Variants in AQP1 observed in about 807,000 individuals in gnomAD.
AQP1 encodes the protein aquaporin 1 (Colton blood group), also known as aquaporin-1.
AQP1 carries 11 observed loss-of-function variants against 19.7 expected under a neutral mutation model. The ratio of observed to expected loss-of-function variants is 0.56; its 90% confidence interval spans 0.35 to 0.92. The LOEUF is 0.92. AQP1 is among the 40% of genes least tolerant of loss of function. The pLI, the probability that AQP1 is intolerant of heterozygous loss-of-function variation, is 0.01. For missense variants in AQP1, 320 were observed against 369.7 expected (o/e 0.87, Z 1.10); for synonymous variants, 159 against 166.7 (o/e 0.95, Z 0.36).
At chr7:30,920,484 A>T (rs1791471524) in intron 1 of AQP1, among the ~76,000 whole-genome samples, 1 of 152,186 alleles carries the variant, frequency 6.6e-6, no homozygotes, top group Non-Finnish European at 1.5e-5. Context: ...CTGCACACAC[A>T]ATGAGAAGAA....
chr7:30,923,623 C>A lies in AQP1; in HGVS notation c.804C>A (p.Pro268=), dbSNP rs995400360. The change falls in exon 4 of 4, where the codon CCC becomes CCA. Residue 268 remains proline (P), a synonymous_variant. Coordinates refer to ENST00000311813, the MANE Select transcript of AQP1 (RefSeq NM_198098.4). The surrounding 1 kb of genome is among the most constrained non-coding windows in gnomAD (Gnocchi z 4.8). ...TCAACTCCAGGGTGGAGATGAAGCCCAAATAGAAGGGGTCTGGCCCGGGCA... is the reference window on the plus strand; with the variant it reads ...TCAACTCCAGGGTGGAGATGAAGCCAAAATAGAAGGGGTCTGGCCCGGGCA... ...DDINSRVEMK[P]K 4 of 1,400,226 alleles carry A rather than the reference C, an allele frequency of 2.9e-6. No individual in the cohort carries two copies. The highest frequency in any genetic ancestry group is 3.8e-6 in the Non-Finnish European group (4 of 1,046,682). 86.7% of individuals were successfully genotyped at this position (1,400,226 alleles called of 1,614,324 possible).
Position 30,922,591 on chromosome 7 carries a change from C to G in AQP1, c.577C>G (p.Pro193Ala). 1 of 1,614,158 alleles carries G rather than the reference C, an allele frequency of 6.2e-7. No homozygotes were observed. Among genetic ancestry groups the G allele is most frequent in the Non-Finnish European group, 8.5e-7 (1 of 1,180,012 alleles). The change falls in exon 3 of 4, where the codon CCT becomes GCT. Residue 193 changes from proline (P) to alanine (A), a missense_variant. Pro to Ala is a conservative substitution (Grantham distance 27, BLOSUM62 -1). Transcript: ENST00000311813. ...AIDYTGCGINPARSFGSAVIT... is the reference protein window; with the variant it reads ...AIDYTGCGINAARSFGSAVIT... Reference sequence around the variant, plus strand: ...TGACTACACTGGCTGTGGGATTAACCCTGCTCGGTCCTTTGGCTCCGCGGT... The same window carrying G: ...TGACTACACTGGCTGTGGGATTAACGCTGCTCGGTCCTTTGGCTCCGCGGT...
At chr7:30,922,286 G>T in intron 2 of AQP1, 56 bp downstream of exon 2, 2 of 1,533,692 alleles carry the variant, frequency 1.3e-6, no homozygotes, top group South Asian at 1.2e-5. Context: ...GGGGCTGGTG[G>T]GGTGCCCTGC....
At chr7:30,919,597 G>A (rs920632980) in intron 1 of AQP1, among the ~76,000 whole-genome samples, 1 of 149,708 alleles carries the variant, frequency 6.7e-6, no homozygotes, top group Non-Finnish European at 1.5e-5. Context: ...CCTGGGCCAG[G>A]CAAAACTACC....
chr7:30,921,731 GTCT>G (rs954915225), intron 1 of AQP1: 9 of 1,550,654 alleles, frequency 5.8e-6, no homozygotes, highest in Non-Finnish European at 7.8e-6. Context: ...CTTGCCTCTG[GTCT>G]TGGTACCCCA....
At chr7:30,917,082 G>A (rs1791376034) in intron 1 of AQP1, among the ~76,000 whole-genome samples, 2 of 152,300 alleles carry the variant, frequency 1.3e-5, no homozygotes, top group Admixed American at 1.3e-4. Context: ...GCTCGAATCT[G>A]GGCCAAGGCC....
intron 1 of AQP1, among the ~76,000 whole-genome samples, chr7:30,914,202 G>A (rs1441607636): frequency 1.3e-5 from 2 of 152,230 alleles, no homozygotes; most frequent in Admixed American, 6.5e-5. Context: ...GGCTGGGCGT[G>A]TTGCAAATGG....
At chr7:30,916,698 C>T (rs1791364203) in intron 1 of AQP1, among the ~76,000 whole-genome samples, 2 of 152,232 alleles carry the variant, frequency 1.3e-5, no homozygotes, top group Non-Finnish European at 2.9e-5. Flanking sequence ...GCCCCCGGCC[C>T]TTCCAGCAGC....
intron 1 of AQP1, chr7:30,921,793 C>G: frequency 6.4e-7 from 1 of 1,550,630 alleles, no homozygotes; most frequent in Non-Finnish European, 8.7e-7. Context: ...CAGCTCACCC[C>G]AGGCCTCTCC....
rs28362729 is a variant in AQP1, at chr7:30,921,708, C to T, written c.385-358C>T. 209 of 1,551,094 alleles carry T rather than the reference C, an allele frequency of 1.3e-4. 2 individuals are homozygous for T. In the African/African-American group the frequency reaches 2.6e-3, roughly 19 times the overall value. On this transcript the variant is annotated intron_variant, in intron 1 of 3. Coordinates refer to ENST00000311813, the MANE Select transcript of AQP1 (RefSeq NM_198098.4). ...GTGCTCCTGACCATCACCTTCATGC[C>T]TGGGGCTCGCCCCTTGCCTCTGGTC...
intron 1 of AQP1, 177 bp from the exon 2 acceptor site, chr7:30,921,889 C>A: frequency 6.5e-7 from 1 of 1,528,876 alleles, no homozygotes; most frequent in Non-Finnish European, 8.8e-7. Flanking sequence ...GGGTTCAAGG[C>A]CTGATTTCCA....
chr7:30,919,556 CTTTTT>C (rs138132377), intron 1 of AQP1, among the ~76,000 whole-genome samples: 30,655 of 138,666 alleles, frequency 0.22, 5,185 homozygotes, highest in African/African-American at 0.47. Flanking sequence ...CTGATTCTTA[CTTTTT>C]TTTTTTTTTT....
Position 30,924,109 on chromosome 7 carries a change from AG to A in AQP1, c.*485del, listed in dbSNP as rs370476025. ...GAAGAGATCCCAGGAGGTGCAGTGG[AG>A]GGGGCAAGCTTTGCTCCTTCAGTTC... On this transcript the variant is annotated 3_prime_UTR_variant, in exon 4 of 4. Transcript: ENST00000311813. The A allele has an allele frequency of 2.0e-4, 235 of 1,197,578 alleles. 3 individuals carry two copies. The East Asian group carries it at 0.011, about 54-fold the overall frequency. 74.2% of individuals were successfully genotyped at this position (1,197,578 alleles called of 1,614,324 possible).
At position 30,923,657 on chromosome 7, in the gene AQP1, G is replaced by C. The variant is rs1791590539; in HGVS notation, c.*28G>C. 1.9e-6 allele frequency: 3 copies of C among 1,572,538 alleles called. No individual in the cohort carries two copies. The highest frequency in any genetic ancestry group is 1.9e-4 in the Middle Eastern group (1 of 5,174). ...GGGGTCTGGCCCGGGCATCCACGTA[G>C]GGGGCAGGGGCAGGGGCGGGCGGAG... On this transcript the variant is annotated 3_prime_UTR_variant, in exon 4 of 4. Coordinates refer to ENST00000311813, the MANE Select transcript of AQP1 (RefSeq NM_198098.4). This position sits in a 1 kb window ranked among gnomAD's most constrained non-coding sequence, Gnocchi z 4.8.
chr7:30,920,778 A>G (rs1238727635), intron 1 of AQP1, among the ~76,000 whole-genome samples: 2 of 152,164 alleles, frequency 1.3e-5, no homozygotes, highest in African/African-American at 4.8e-5. Flanking sequence ...GGGCTGGCGG[A>G]CCTAAGGGAT....
chr7:30,920,591 C>A (rs1791475065), intron 1 of AQP1, among the ~76,000 whole-genome samples: 1 of 152,262 alleles, frequency 6.6e-6, no homozygotes, highest in Non-Finnish European at 1.5e-5. Flanking sequence ...AACCTCCCAG[C>A]TGCTCTGGAG....
At chr7:30,916,964 C>T (rs2128589326) in intron 1 of AQP1, among the ~76,000 whole-genome samples, 1 of 152,156 alleles carries the variant, frequency 6.6e-6, no homozygotes, top group Non-Finnish European at 1.5e-5. Context: ...ATGCTGAGAT[C>T]AGCAATTCTG....
At chr7:30,919,001 TC>T (rs918832571) in intron 1 of AQP1, among the ~76,000 whole-genome samples, 9 of 152,150 alleles carry the variant, frequency 5.9e-5, no homozygotes, top group African/African-American at 1.7e-4. Flanking sequence ...CCTCTAGGGC[TC>T]CCAGAGGCTA....
rs372033462 is a variant in AQP1 at position 30,922,113 on chromosome 7, C to T, written c.432C>T (p.Ile144=). ...NSGQGLGIEI[I]GTLQLVLCVL... ...GCCAGGGCCTGGGCATCGAGATCAT[C>T]GGGACCCTCCAGCTGGTGCTATGCG... The change falls in exon 2 of 4, where the codon ATC becomes ATT. Residue 144 remains isoleucine (I), a synonymous_variant. Coordinates refer to ENST00000311813, the MANE Select transcript of AQP1 (RefSeq NM_198098.4). The T allele has an allele frequency of 1.7e-5, 28 of 1,614,084 alleles. No homozygotes were observed. The highest frequency in any genetic ancestry group is 1.0e-4 in the Admixed American group (6 of 60,034).
Sources: allele counts gnomAD v4.1 joint callset (sites outside exome capture counted in the v4.1 genomes callset), GRCh38; gene constraint gnomAD v4.1.1; non-coding constraint Gnocchi (gnomAD v3.1); transcripts MANE v1.5; gene names NCBI Gene and HGNC (gene_info 2026-07-23, HGNC 2026-07-21).